TYW1: variants seen among roughly 807,000 people sequenced by gnomAD.
TYW1 encodes the protein S-adenosyl-L-methionine-dependent tRNA 4-demethylwyosine synthase TYW1.
In TYW1, 46 loss-of-function variants were observed where a neutral mutation model predicts 96.2. The observed-to-expected ratio is 0.48, with a 90% CI of 0.38 to 0.61. The LOEUF is 0.61. Among genes scored for constraint, TYW1 ranks in the 20% least tolerant of loss-of-function variants. The pLI, the probability that TYW1 is intolerant of heterozygous loss-of-function variation, is 0.00. For synonymous variants in TYW1, 274 were observed against 323.0 expected (o/e 0.85, Z 1.63); for missense variants, 684 against 909.6 (o/e 0.75, Z 3.19).
At chr7:67,149,754 C>CTATG (rs1402185605) in intron 13 of TYW1, among the ~76,000 whole-genome samples, 1 of 84,072 alleles carries the variant, frequency 1.2e-5, no homozygotes, top group African/African-American at 6.3e-5. Context: ...ATCTATCTAT[C>CTATG]TATCTATCTA....
intron 3 of TYW1, among the ~76,000 whole-genome samples, chr7:67,006,695 C>G (rs574401901): frequency 6.6e-6 from 1 of 152,076 alleles, no homozygotes; most frequent in Non-Finnish European, 1.5e-5. Flanking sequence ...CCGCCTTGAC[C>G]TCCCAAAGAG....
chr7:67,023,237 C>T (rs1158530474), intron 6 of TYW1, among the ~76,000 whole-genome samples: 1 of 152,082 alleles, frequency 6.6e-6, no homozygotes, highest in African/African-American at 2.4e-5. Flanking sequence ...GTTGGGACTA[C>T]AGGCGCATGC....
At chr7:67,205,395 G>C (rs542728648) in intron 15 of TYW1, among the ~76,000 whole-genome samples, 1 of 151,908 alleles carries the variant, frequency 6.6e-6, no homozygotes, top group South Asian at 2.1e-4. Context: ...GCGGGGGGGG[G>C]GCCTTATTGC....
intron 10 of TYW1, among the ~76,000 whole-genome samples, chr7:67,081,111 A>G (rs1043136390): frequency 3.3e-5 from 5 of 150,646 alleles, no homozygotes; most frequent in African/African-American, 1.2e-4. Flanking sequence ...GGAGTCCCTA[A>G]GCTTTTCTTG....
intron 8 of TYW1, among the ~76,000 whole-genome samples, chr7:67,055,155 A>G (rs1584507193): frequency 6.6e-6 from 1 of 152,166 alleles, no homozygotes; most frequent in Admixed American, 6.5e-5. Flanking sequence ...TGTAAATTCT[A>G]TAGTTGATGA....
rs541827811 is a variant in TYW1, at chr7:67,007,217, G to T, written c.274-2366G>T. On this transcript the variant is annotated intron_variant, in intron 3 of 15. Transcript: ENST00000359626. ...TGAGCCAATTCTTCATTTATATAGG[G>T]TGTAACCAATTGGAAGCCTCCCAAG... Among the ~76,000 whole-genome samples, 7 of 152,042 alleles carry T rather than the reference G, an allele frequency of 4.6e-5. No individual in the cohort carries two copies. The East Asian group carries it at 7.7e-4, about 17-fold the overall frequency.
At chr7:67,238,261 T>A (rs759434632) in intron 15 of TYW1, 47 bp from the exon 16 acceptor site, 22 of 1,583,114 alleles carry the variant, frequency 1.4e-5, no homozygotes, top group Non-Finnish European at 1.9e-5. Context: ...ATTTTTTTTT[T>A]CTAGGGATGT....
At position 67,192,540 on chromosome 7, in the gene TYW1, G is replaced by GGTAGA. The variant is rs1563064503; in HGVS notation, c.1810-2626_1810-2622dup. On this transcript the variant is annotated intron_variant, in intron 14 of 15. Coordinates refer to ENST00000359626, the MANE Select transcript of TYW1 (RefSeq NM_018264.4). ...CACACATAAGCAGTATTTAAATTGA[G>GGTAGA]GTAGAGTACACTTTTATGACTAATG... Among the ~76,000 whole-genome samples the GGTAGA allele has an allele frequency of 3.3e-5, 5 of 152,178 alleles. No individual in the cohort carries two copies. The East Asian group carries it at 9.7e-4, about 29-fold the overall frequency.
chr7:67,083,458 T>A lies in TYW1; in HGVS notation c.1303T>A (p.Trp435Arg). ...CCACACCAACCCCGTGGGCACTGAG[T>A]GGCGGTGGAAGATGGACCAGCCTGA... is the stretch of plus-strand genomic sequence containing the variant. ...RHHTNPVGTE[W>R]RWKMDQPEMI... The change falls in exon 11 of 16, where the codon TGG (tryptophan) becomes AGG (arginine). Residue 435 changes from tryptophan to arginine, a missense_variant. Trp to Arg is a moderately radical substitution (Grantham distance 101). Transcript: ENST00000359626. The A allele has an allele frequency of 6.2e-7, 1 of 1,614,146 alleles. No individual in the cohort carries two copies. The highest frequency in any genetic ancestry group is 8.5e-7 in the Non-Finnish European group (1 of 1,180,006).
chr7:67,186,305 G>A (rs200178957), intron 14 of TYW1, among the ~76,000 whole-genome samples: 11 of 101,602 alleles, frequency 1.1e-4, no homozygotes, highest in Non-Finnish European at 1.6e-4. Context: ...TCTTACTTTC[G>A]CAGTCATGTT....
At chr7:67,229,742 C>A (rs1248425585) in intron 15 of TYW1, among the ~76,000 whole-genome samples, 2 of 152,144 alleles carry the variant, frequency 1.3e-5, no homozygotes, top group South Asian at 2.1e-4. Flanking sequence ...TTGCTTGAGT[C>A]CTGGAATTCA....
At chr7:67,097,207 C>T (rs1439159531) in intron 11 of TYW1, among the ~76,000 whole-genome samples, 2 of 151,928 alleles carry the variant, frequency 1.3e-5, no homozygotes, top group African/African-American at 4.8e-5. Context: ...TGAGCTGTGG[C>T]CTGGATTGTG....
At chr7:67,186,595 C>G (rs1192975372) in intron 14 of TYW1, among the ~76,000 whole-genome samples, 1 of 151,950 alleles carries the variant, frequency 6.6e-6, no homozygotes, top group Non-Finnish European at 1.5e-5. Flanking sequence ...TCAAGTGATC[C>G]TCCCACCTCA....
rs777040631 is a variant in TYW1 at position 67,017,974 on chromosome 7, C to G, written c.692C>G (p.Ala231Gly). 6.2e-7 allele frequency: 1 copy of G among 1,614,004 alleles called. No individual in the cohort carries two copies. The highest frequency in any genetic ancestry group is 8.5e-7 in the Non-Finnish European group (1 of 1,180,050). ...KHGSIEADFR[A>G]WKTKFISQLQ... Reference sequence around the variant, plus strand: ...GGCAGCATTGAGGCCGACTTCAGAGCATGGAAGACCAAGTTCATCTCCCAG... The same window carrying G: ...GGCAGCATTGAGGCCGACTTCAGAGGATGGAAGACCAAGTTCATCTCCCAG... The change falls in exon 6 of 16, where the codon GCA becomes GGA. Residue 231 changes from alanine to glycine, a missense_variant. Transcript: ENST00000359626.
At chr7:67,180,675 C>G (rs1321297889) in intron 13 of TYW1, among the ~76,000 whole-genome samples, 1 of 140,708 alleles carries the variant, frequency 7.1e-6, no homozygotes, top group Non-Finnish European at 1.5e-5. Flanking sequence ...CAGAGTCTCA[C>G]TCTGTTGCCC....
intron 15 of TYW1, among the ~76,000 whole-genome samples, chr7:67,213,397 C>G (rs1801103946): frequency 6.6e-6 from 1 of 152,138 alleles, no homozygotes; most frequent in East Asian, 1.9e-4. Context: ...TTTCTTATGG[C>G]TGAGTTTAAG....
At chr7:67,122,955 G>A (rs900169221) in intron 13 of TYW1, among the ~76,000 whole-genome samples, 6 of 152,214 alleles carry the variant, frequency 3.9e-5, no homozygotes, top group African/African-American at 1.4e-4. Flanking sequence ...GTGGCATTGA[G>A]ACTTTCACAA....
At chr7:67,079,577 T>C (rs1044984868) in intron 10 of TYW1, among the ~76,000 whole-genome samples, 1 of 151,942 alleles carries the variant, frequency 6.6e-6, no homozygotes, top group African/African-American at 2.4e-5. Flanking sequence ...TTTGTGTTCT[T>C]TTAGTCTCAA....
At chr7:67,117,663 G>A (rs778218798) in intron 13 of TYW1, 45 bp downstream of exon 13, 4 of 1,456,492 alleles carry the variant, frequency 2.7e-6, no homozygotes, top group Admixed American at 2.5e-5. Context: ...ACCCTCAGGT[G>A]TGTACTGAAG....
Sources: gnomAD v4.1 joint callset for allele counts (sites outside exome capture counted in the v4.1 genomes callset) on GRCh38, gnomAD v4.1.1 for gene constraint, MANE v1.5 for transcripts, NCBI Gene and HGNC (gene_info 2026-07-23, HGNC 2026-07-21) for gene names.